The following R3HDM2 variants were observed in gnomAD, a reference collection of about 807,000 sequenced individuals.
The protein encoded by R3HDM2 is R3H domain-containing protein 2.
Under a neutral mutation model 124.5 loss-of-function variants are expected in R3HDM2, and 38 were observed. That is an observed-to-expected ratio of 0.31 (90% CI 0.24 to 0.40). The LOEUF is 0.40. Ranked by LOEUF, R3HDM2 falls within the 10% of genes least tolerant of loss-of-function variation. The pLI, the probability that R3HDM2 is intolerant of heterozygous loss-of-function variation, is 1.00. For synonymous variants in R3HDM2, 391 were observed against 448.0 expected (o/e 0.87, Z 1.61); for missense variants, 869 against 1,236.9 (o/e 0.70, Z 4.46).
intron 2 of R3HDM2, among the ~76,000 whole-genome samples, chr12:57,361,131 T>A (rs1325974857): frequency 6.7e-6 from 1 of 148,150 alleles, no homozygotes; most frequent in Non-Finnish European, 1.5e-5. Context: ...ATCCCAGAAC[T>A]TTGGGAGGCC....
Position 57,266,766 on chromosome 12 carries a change from G to C in R3HDM2, c.2096C>G (p.Pro699Arg). The change falls in exon 19 of 24, where the codon CCC (proline) becomes CGC (arginine). Residue 699 changes from proline (P) to arginine (R), a missense_variant. Around this residue, in one of 2 missense-constraint regions of R3HDM2, gnomAD observed 602 missense variants for 789.2 expected, o/e 0.76. Coordinates refer to ENST00000402412, the MANE Select transcript of R3HDM2 (RefSeq NM_001394031.1). ...CTGTGGCATCTGTGGTGGACTGCAG[G>C]GAGAGGGAGACTGAGGCATCTGGTA... ...EQYQMPQSPS[P>R]CSPPQMPQQY... 1 of 1,609,132 alleles carries C rather than the reference G, an allele frequency of 6.2e-7. No individual in the cohort carries two copies. Among genetic ancestry groups the C allele is most frequent in the Non-Finnish European group, 8.5e-7 (1 of 1,175,600 alleles).
chr12:57,306,784 GCAGATGGAT>G (rs1566066477), intron 3 of R3HDM2, among the ~76,000 whole-genome samples: 1 of 152,190 alleles, frequency 6.6e-6, no homozygotes, highest in African/African-American at 2.4e-5. Flanking sequence ...GGAGGCTGAG[GCAGATGGAT>G]CACCTGAGGT....
intron 2 of R3HDM2, among the ~76,000 whole-genome samples, chr12:57,367,522 T>C (rs1197647362): frequency 2.0e-5 from 3 of 152,210 alleles, no homozygotes; most frequent in Non-Finnish European, 4.4e-5. Context: ...CTGCCTTGGC[T>C]TCTCGATTCC....
chr12:57,306,762 C>G (rs1205396468), intron 3 of R3HDM2, among the ~76,000 whole-genome samples: 1 of 152,082 alleles, frequency 6.6e-6, no homozygotes, highest in Non-Finnish European at 1.5e-5. Context: ...CGCCTGTAAT[C>G]CCAGCACTTT....
intron 14 of R3HDM2, among the ~76,000 whole-genome samples, chr12:57,270,885 G>A (rs2043452553): frequency 6.6e-6 from 1 of 152,124 alleles, no homozygotes. Context: ...TGTTGTTAGG[G>A]TTAGTCCTTG....
intron 3 of R3HDM2, among the ~76,000 whole-genome samples, chr12:57,303,811 A>AG (rs1352363091): frequency 6.6e-6 from 1 of 152,092 alleles, no homozygotes; most frequent in Non-Finnish European, 1.5e-5. Context: ...ACCATTAAAA[A>AG]GAAAAAAAAA....
Position 57,279,178 on chromosome 12 carries a change from C to CTTT in R3HDM2, c.1344+1177_1344+1179dup, listed in dbSNP as rs1212781487. Among the ~76,000 whole-genome samples, 8 of 114,916 alleles carry CTTT rather than the reference C, an allele frequency of 7.0e-5. No individual in the cohort carries two copies. In the East Asian group the frequency reaches 8.1e-4, roughly 12 times the overall value. The allele number at this position is 114,916 out of a possible 152,430, so 75.4% of individuals were successfully genotyped here. A position where few individuals can be genotyped will look rare whatever the true frequency, so the allele number is the denominator to read the frequency against. ...AGCTCTGCTCGGAGTATTAAGGTGACTTTTTTTTTTTTTTTTTTTTTTGAG... is the reference window on the plus strand; with the variant it reads ...AGCTCTGCTCGGAGTATTAAGGTGACTTTTTTTTTTTTTTTTTTTTTTTTTGAG... On this transcript the variant is annotated intron_variant, in intron 14 of 23. Transcript: ENST00000402412.
chr12:57,415,831 G>A (rs888314878), intron 1 of R3HDM2, among the ~76,000 whole-genome samples: 2 of 151,784 alleles, frequency 1.3e-5, no homozygotes, highest in Non-Finnish European at 2.9e-5. Flanking sequence ...CAAAACAATC[G>A]GCCTGGACAC....
intron 2 of R3HDM2, among the ~76,000 whole-genome samples, chr12:57,330,674 G>A (rs967247598): frequency 2.2e-5 from 3 of 133,896 alleles, no homozygotes; most frequent in Non-Finnish European, 4.8e-5. Context: ...GTGATTTTTT[G>A]TGGCATCTTT....
intron 14 of R3HDM2, among the ~76,000 whole-genome samples, chr12:57,273,100 A>G (rs1307800992): frequency 6.6e-6 from 1 of 152,044 alleles, no homozygotes; most frequent in Non-Finnish European, 1.5e-5. Flanking sequence ...CACAAGGATC[A>G]TCTCCCTCCC....
At chr12:57,261,019 C>G (rs1250842909) in intron 19 of R3HDM2, among the ~76,000 whole-genome samples, 1 of 152,162 alleles carries the variant, frequency 6.6e-6, no homozygotes, top group East Asian at 1.9e-4. Context: ...GCTCAGATAT[C>G]CCCATCTCCT....
intron 2 of R3HDM2, among the ~76,000 whole-genome samples, chr12:57,316,988 C>G (rs1189060952): frequency 2.0e-5 from 3 of 151,964 alleles, no homozygotes; most frequent in Non-Finnish European, 2.9e-5. Flanking sequence ...CTCAGGTAAT[C>G]CACCCACCTT....
intron 2 of R3HDM2, among the ~76,000 whole-genome samples, chr12:57,376,976 T>TA (rs1377849579): frequency 1.7e-4 from 26 of 151,360 alleles, no homozygotes; most frequent in African/African-American, 5.6e-4. Flanking sequence ...AAAAAAATTT[T>TA]AAAAAAGGGG....
chr12:57,412,821 T>C (rs141926226), intron 1 of R3HDM2, among the ~76,000 whole-genome samples: 73 of 149,496 alleles, frequency 4.9e-4, no homozygotes, highest in African/African-American at 1.5e-3. Context: ...CTGGCCAACA[T>C]GGTGAAACCC....
chr12:57,374,512 T>A (rs11172191), intron 2 of R3HDM2, among the ~76,000 whole-genome samples: 68,487 of 149,748 alleles, frequency 0.46, 16,243 homozygotes, highest in Middle Eastern at 0.81. Context: ...TAAAACCCTG[T>A]CTCTACTAAA....
chr12:57,265,477 G>T (rs926603708), intron 19 of R3HDM2, among the ~76,000 whole-genome samples: 1 of 150,354 alleles, frequency 6.7e-6, no homozygotes. Flanking sequence ...TTCATTTCAT[G>T]ACCCAAAGGC....
At chr12:57,374,683 TAAAA>T (rs56197858) in intron 2 of R3HDM2, among the ~76,000 whole-genome samples, 8 of 28,058 alleles carry the variant, frequency 2.9e-4, no homozygotes, top group Admixed American at 1.1e-3. Flanking sequence ...AATTCTATCT[TAAAA>T]AAAAAAAAAA....
At chr12:57,313,044 T>C (rs2054247412) in intron 2 of R3HDM2, among the ~76,000 whole-genome samples, 1 of 151,980 alleles carries the variant, frequency 6.6e-6, no homozygotes, top group African/African-American at 2.4e-5. Context: ...TTTAAAATTA[T>C]CTGATTCAGT....
chr12:57,346,268 C>A (rs900551838), intron 2 of R3HDM2, among the ~76,000 whole-genome samples: 1 of 151,640 alleles, frequency 6.6e-6, no homozygotes, highest in Non-Finnish European at 1.5e-5. Flanking sequence ...ACCAGCCTGG[C>A]CAACGTGGTG....
Sources: gnomAD v4.1 joint callset for allele counts (sites outside exome capture counted in the v4.1 genomes callset) on GRCh38, gnomAD v4.1.1 for gene constraint, gnomAD v4.1.1 regional missense constraint, MANE v1.5 for transcripts, NCBI Gene and HGNC (gene_info 2026-07-23, HGNC 2026-07-21) for gene names.